KDM4E: variants seen among roughly 807,000 people sequenced by gnomAD.
KDM4E encodes lysine-specific demethylase 4E.
For synonymous variants in KDM4E, 229 were observed against 232.9 expected (o/e 0.98, Z 0.15); for missense variants, 576 against 642.6 (o/e 0.90, Z 1.12).
rs1555102912 is a variant in KDM4E, at chr11:95,026,547, T to C, written c.990T>C (p.Tyr330=). 1.3e-6 allele frequency: 2 copies of C among 1,546,332 alleles called. No homozygotes were observed. The highest frequency in any genetic ancestry group is 1.9e-5 in the Admixed American group (1 of 51,554). Residue 330 remains tyrosine (Y), a synonymous_variant, in exon 1 of 1, where the codon TAT becomes TAC. Coordinates refer to ENST00000450979, the MANE Select transcript of KDM4E (RefSeq NM_001161630.1). ...TGCGCATTGTGCAACCCGAGAGTTA[T>C]GAGCTCTGGAAACACAGGCAAGACT... ...PFVRIVQPES[Y]ELWKHRQDLA... is the part of the protein sequence containing the mutation.
Position 95,027,211 on chromosome 11 carries a change from C to T in KDM4E, c.*133C>T. The T allele has an allele frequency of 8.3e-7, 1 of 1,198,910 alleles. No individual in the cohort carries two copies. Among genetic ancestry groups the T allele is most frequent in the Non-Finnish European group, 1.1e-6 (1 of 882,206 alleles). 74.3% of individuals were successfully genotyped at this position (1,198,910 alleles called of 1,614,324 possible). On this transcript the variant is annotated 3_prime_UTR_variant, in exon 1 of 1. Coordinates refer to ENST00000450979, the MANE Select transcript of KDM4E (RefSeq NM_001161630.1). ...TGCCTGCTATCCCTCAACAGCACTA[C>T]TAGTAATCTCCCTGATGTTGTCTGC...
At position 95,026,293 on chromosome 11, in the gene KDM4E, A is replaced by G. The variant is rs539645708; in HGVS notation, c.736A>G (p.Ile246Val). 28 of 1,614,050 alleles carry G rather than the reference A, an allele frequency of 1.7e-5. No homozygotes were observed. In the Admixed American group the frequency reaches 4.3e-4, roughly 25 times the overall value. ...CTTCCTGCGGCACAAAGTGGCCCTC[A>G]TCTCGCCTACAGTTCTCAAGGAAAA... ...EAFLRHKVAL[I>V]SPTVLKENGI... The change falls in exon 1 of 1, where the codon ATC becomes GTC. Residue 246 changes from isoleucine to valine, a missense_variant. Coordinates refer to ENST00000450979, the MANE Select transcript of KDM4E (RefSeq NM_001161630.1).
Position 95,025,544 on chromosome 11 carries a change from T to G in KDM4E, c.-14T>G. ...CCCAAGAACGTGGGAGTCAGCTGCTTCTTGTGTGCAGCCATGAAGTCTGTG... is the reference window on the plus strand; with the variant it reads ...CCCAAGAACGTGGGAGTCAGCTGCTGCTTGTGTGCAGCCATGAAGTCTGTG... On this transcript the variant is annotated 5_prime_UTR_variant, in exon 1 of 1. Coordinates refer to ENST00000450979, the MANE Select transcript of KDM4E (RefSeq NM_001161630.1). The G allele has an allele frequency of 6.6e-7, 1 of 1,515,672 alleles. No homozygotes were observed. Among genetic ancestry groups the G allele is most frequent in the Non-Finnish European group, 8.8e-7 (1 of 1,131,366 alleles). 93.9% of individuals were successfully genotyped at this position (1,515,672 alleles called of 1,614,324 possible).
In KDM4E at chr11:95,026,394, C is replaced by A. The variant is rs1443030009; in HGVS notation, c.837C>A (p.Gly279=). 2 of 1,613,764 alleles carry A rather than the reference C, an allele frequency of 1.2e-6. No homozygotes were observed. Among genetic ancestry groups the A allele is most frequent in the African/African-American group, 2.7e-5 (2 of 74,924 alleles). Residue 279 remains glycine (G), a synonymous_variant, in exon 1 of 1, where the codon GGC becomes GGA. Transcript: ENST00000450979. ...CCTTTCCCTATGGCTACCATGCTGG[C>A]TTCAATCACGGCTTCAACTGCGCAG... is the stretch of plus-strand genomic sequence containing the variant. ...MVTFPYGYHA[G]FNHGFNCAEA...
rs1275218948 is a variant in KDM4E, at chr11:95,027,357, T to C, written c.*279T>C. On this transcript the variant is annotated 3_prime_UTR_variant, in exon 1 of 1. Coordinates refer to ENST00000450979, the MANE Select transcript of KDM4E (RefSeq NM_001161630.1). ...GTGAACATGGGCAAGGCTGTAGCAA[T>C]GGACCACTTTTACGGCTCTAGGGTT... 1.9e-5 allele frequency: 9 copies of C among 464,372 alleles called. No homozygotes were observed. Among genetic ancestry groups the C allele is most frequent in the South Asian group, 1.9e-4 (6 of 30,964 alleles). 28.8% of individuals were successfully genotyped at this position (464,372 alleles called of 1,614,324 possible).
At position 95,026,222 on chromosome 11, in the gene KDM4E, G is replaced by A. The variant is rs782185063; in HGVS notation, c.665G>A (p.Arg222His). Residue 222 changes from arginine (R) to histidine (H), a missense_variant, in exon 1 of 1, where the codon CGC becomes CAC. Transcript: ENST00000450979. Reference sequence around the variant, plus strand: ...CCAGAACATGGTCAGCACCTGGAACGCCTGGCCAGGGAGCTCTTCCCAGAC... The same window carrying A: ...CCAGAACATGGTCAGCACCTGGAACACCTGGCCAGGGAGCTCTTCCCAGAC... ...VPPEHGQHLERLARELFPDIS... is the reference protein window; with the variant it reads ...VPPEHGQHLEHLARELFPDIS... The A allele has an allele frequency of 2.5e-6, 4 of 1,614,090 alleles. No individual in the cohort carries two copies. The highest frequency in any genetic ancestry group is 2.2e-5 in the East Asian group (1 of 44,868).
rs781886681 is a variant in KDM4E, at chr11:95,026,363, T to A, written c.806T>A (p.Met269Lys). Residue 269 changes from methionine to lysine, a missense_variant, in exon 1 of 1, where the codon ATG (methionine) becomes AAG (lysine). Coordinates refer to ENST00000450979, the MANE Select transcript of KDM4E (RefSeq NM_001161630.1). The part of the protein sequence containing the change: ...NCMTQEAGEF[M>K]VTFPYGYHAG... ...ATGACTCAGGAGGCTGGGGAGTTCA[T>A]GGTGACCTTTCCCTATGGCTACCAT... 1 of 1,614,126 alleles carries A rather than the reference T, an allele frequency of 6.2e-7. No individual in the cohort carries two copies. The highest frequency in any genetic ancestry group is 2.2e-5 in the East Asian group (1 of 44,882).
Position 95,025,584 on chromosome 11 carries a change from G to A in KDM4E, c.27G>A (p.Gln9=). The A allele has an allele frequency of 6.5e-7, 1 of 1,535,024 alleles. No homozygotes were observed. The highest frequency in any genetic ancestry group is 2.4e-5 in the East Asian group (1 of 40,890). ...TGAAGTCTGTGCACTCCAGTCCCCAGAACACGAGTCATACCATCATGACGT... is the reference window on the plus strand; with the variant it reads ...TGAAGTCTGTGCACTCCAGTCCCCAAAACACGAGTCATACCATCATGACGT... The part of the protein sequence containing the change: MKSVHSSP[Q]NTSHTIMTFY... Residue 9 remains glutamine (Q), a synonymous_variant, in exon 1 of 1, where the codon CAG becomes CAA. Transcript: ENST00000450979.
Position 95,027,246 on chromosome 11 carries a change from C to T in KDM4E, c.*168C>T. 2 of 939,646 alleles carry T rather than the reference C, an allele frequency of 2.1e-6. No homozygotes were observed. The highest frequency in any genetic ancestry group is 3.4e-4 in the Middle Eastern group (1 of 2,962). 58.2% of individuals were successfully genotyped at this position (939,646 alleles called of 1,614,324 possible). ...CCCTGATGTTGTCTGCATGACTCCT[C>T]CCAATGTCATTGTGCCTTTGATTAA... On this transcript the variant is annotated 3_prime_UTR_variant, in exon 1 of 1. Coordinates refer to ENST00000450979, the MANE Select transcript of KDM4E (RefSeq NM_001161630.1).
chr11:95,026,039 T>G lies in KDM4E; in HGVS notation c.482T>G (p.Leu161Trp). 6.2e-7 allele frequency: 1 copy of G among 1,612,390 alleles called. No individual in the cohort carries two copies. The highest frequency in any genetic ancestry group is 8.5e-7 in the Non-Finnish European group (1 of 1,179,016). ...LGHLGTILDL[L>W]EQECGVVIEG... The stretch of plus-strand genomic sequence containing the variant: ...CACCTGGGAACAATTCTGGACCTGT[T>G]GGAGCAGGAATGTGGGGTTGTCATC... The change falls in exon 1 of 1, where the codon TTG becomes TGG. Residue 161 changes from leucine to tryptophan, a missense_variant. Physicochemically the swap from Leu to Trp is moderately conservative, Grantham distance 61. Coordinates refer to ENST00000450979, the MANE Select transcript of KDM4E (RefSeq NM_001161630.1).
In KDM4E at chr11:95,026,571, C is replaced by T. The variant is rs1456279824; in HGVS notation, c.1014C>T (p.Asp338=). The change falls in exon 1 of 1, where the codon GAC becomes GAT. Residue 338 remains aspartate, a synonymous_variant. Transcript: ENST00000450979. ...ATGAGCTCTGGAAACACAGGCAAGA[C>T]TTGGCCATTGTGGAACACACAGAGC... is the stretch of plus-strand genomic sequence containing the variant. ...ESYELWKHRQ[D]LAIVEHTEPR... 9 of 1,539,156 alleles carry T rather than the reference C, an allele frequency of 5.8e-6. No individual in the cohort carries two copies. In the East Asian group the frequency reaches 2.2e-4, roughly 37 times the overall value.
Position 95,026,650 on chromosome 11 carries a change from A to C in KDM4E, c.1093A>C (p.Arg365=), listed in dbSNP as rs1555102973. The change falls in exon 1 of 1, where the codon AGA becomes CGA. Residue 365 remains arginine (R), a synonymous_variant. Coordinates refer to ENST00000450979, the MANE Select transcript of KDM4E (RefSeq NM_001161630.1). ...CAACTGGAGAGATGATATAGTACTT[A>C]GAAGAGCTGCTCTGGGCCTGAGGCT... ...LSNWRDDIVL[R]RAALGLRLLP... is the part of the protein sequence containing the mutation. 7 of 1,537,152 alleles carry C rather than the reference A, an allele frequency of 4.6e-6. No individual in the cohort carries two copies. Among genetic ancestry groups the C allele is most frequent in the Non-Finnish European group, 6.1e-6 (7 of 1,146,924 alleles).
Position 95,027,139 on chromosome 11 carries a change from TC to T in KDM4E, c.*63del, listed in dbSNP as rs1858281319. The T allele has an allele frequency of 1.3e-6, 2 of 1,507,452 alleles. No individual in the cohort carries two copies. The highest frequency in any genetic ancestry group is 2.8e-5 in the African/African-American group (2 of 71,682). The allele number at this position is 1,507,452 out of a possible 1,614,324, so 93.4% of individuals were successfully genotyped here. On this transcript the variant is annotated 3_prime_UTR_variant, in exon 1 of 1. Coordinates refer to ENST00000450979, the MANE Select transcript of KDM4E (RefSeq NM_001161630.1). The stretch of plus-strand genomic sequence containing the variant: ...TGCTGCTGTGTCCCTGATCTTCAAC[TC>T]CTGGGGCCCCCACTGGATCGTGATG...
Position 95,027,411 on chromosome 11 carries a change from C to G in KDM4E, c.*333C>G. The G allele has an allele frequency of 3.1e-6, 1 of 318,038 alleles. No homozygotes were observed. 19.7% of individuals were successfully genotyped at this position (318,038 alleles called of 1,614,324 possible). A position where few individuals can be genotyped will look rare whatever the true frequency, so the allele number is the denominator to read the frequency against. Reference sequence around the variant, plus strand: ...ACTCCAACTAAGTTTTCCAGAATCTCCTGGGCTCCTGACTCATCTGCTGGG... The same window carrying G: ...ACTCCAACTAAGTTTTCCAGAATCTGCTGGGCTCCTGACTCATCTGCTGGG... On this transcript the variant is annotated 3_prime_UTR_variant, in exon 1 of 1. Transcript: ENST00000450979.
In KDM4E at chr11:95,026,415, C is replaced by T. The variant is rs187600881; in HGVS notation, c.858C>T (p.Cys286=). Residue 286 remains cysteine (C), a synonymous_variant, in exon 1 of 1, where the codon TGC becomes TGT. Coordinates refer to ENST00000450979, the MANE Select transcript of KDM4E (RefSeq NM_001161630.1). ...CTGGCTTCAATCACGGCTTCAACTG[C>T]GCAGAAGCCATTAATTTTGCCACTC... is the stretch of plus-strand genomic sequence containing the variant. The part of the protein sequence containing the change: ...YHAGFNHGFN[C]AEAINFATPR... The T allele has an allele frequency of 4.8e-5, 78 of 1,613,018 alleles. No homozygotes were observed. The highest frequency in any genetic ancestry group is 3.3e-4 in the African/African-American group (25 of 75,032).
rs1555103024 is a variant in KDM4E at position 95,026,807 on chromosome 11, A to T, written c.1250A>T (p.Gln417Leu). ...FQSSAYHTQT[Q>L]SLTLGMSARV... ...AGCTCTGCATATCATACCCAGACCC[A>T]GTCACTTACCCTGGGGATGTCAGCC... is the stretch of plus-strand genomic sequence containing the variant. Residue 417 changes from glutamine (Q) to leucine (L), a missense_variant, in exon 1 of 1, where the codon CAG becomes CTG. Transcript: ENST00000450979. 8 of 1,537,084 alleles carry T rather than the reference A, an allele frequency of 5.2e-6. No individual in the cohort carries two copies. The highest frequency in any genetic ancestry group is 1.4e-5 in the African/African-American group (1 of 73,020).
Position 95,026,235 on chromosome 11 carries a change from G to A in KDM4E, c.678G>A (p.Glu226=), listed in dbSNP as rs1555102791. ...HGQHLERLAR[E]LFPDISRGCE... is the part of the protein sequence containing the mutation. ...AGCACCTGGAACGCCTGGCCAGGGA[G>A]CTCTTCCCAGACATTTCTCGGGGCT... The change falls in exon 1 of 1, where the codon GAG becomes GAA. Residue 226 remains glutamate (E), a synonymous_variant. Transcript: ENST00000450979. 1 of 1,614,154 alleles carries A rather than the reference G, an allele frequency of 6.2e-7. No individual in the cohort carries two copies. The highest frequency in any genetic ancestry group is 8.5e-7 in the Non-Finnish European group (1 of 1,180,026).
At position 95,026,694 on chromosome 11, in the gene KDM4E, C is replaced by T. The variant is rs1388654191; in HGVS notation, c.1137C>T (p.Ala379=). 30 of 1,537,124 alleles carry T rather than the reference C, an allele frequency of 2.0e-5. 1 individual carries two copies. The highest frequency in any genetic ancestry group is 5.9e-5 in the Admixed American group (3 of 50,982). Residue 379 remains alanine, a synonymous_variant, in exon 1 of 1, where the codon GCC becomes GCT. Coordinates refer to ENST00000450979, the MANE Select transcript of KDM4E (RefSeq NM_001161630.1). The stretch of plus-strand genomic sequence containing the variant: ...TGAGGCTTCTCCCAAACCTCACAGC[C>T]CAGTGTCCCACACAGCCTGTGTCCT... ...LGLRLLPNLT[A]QCPTQPVSSG...
In KDM4E at chr11:95,026,649, T is replaced by G. The variant is rs1555102972; in HGVS notation, c.1092T>G (p.Leu364=). Residue 364 remains leucine (L), a synonymous_variant, in exon 1 of 1, where the codon CTT becomes CTG. Coordinates refer to ENST00000450979, the MANE Select transcript of KDM4E (RefSeq NM_001161630.1). ...GCAACTGGAGAGATGATATAGTACT[T>G]AGAAGAGCTGCTCTGGGCCTGAGGC... The part of the protein sequence containing the change: ...ELSNWRDDIV[L]RRAALGLRLL... The G allele has an allele frequency of 6.5e-7, 1 of 1,537,210 alleles. No homozygotes were observed. The highest frequency in any genetic ancestry group is 8.7e-7 in the Non-Finnish European group (1 of 1,146,898).
Sources: allele counts gnomAD v4.1 joint callset, GRCh38; gene constraint gnomAD v4.1.1; transcripts MANE v1.5; gene names NCBI Gene and HGNC (gene_info 2026-07-23, HGNC 2026-07-21).